The following MACROD2 variants were observed in gnomAD, a reference collection of about 807,000 sequenced individuals.
MACROD2 encodes the protein mono-ADP ribosylhydrolase 2.
A neutral mutation model predicts 70.4 loss-of-function variants in MACROD2; 36 were observed. The ratio of observed to expected loss-of-function variants is 0.51; its 90% CI spans 0.39 to 0.68. The LOEUF is 0.68. Ranked by LOEUF, MACROD2 falls within the 30% of genes least tolerant of loss-of-function variation. The pLI is 0.00. For missense variants in MACROD2, 496 were observed against 538.4 expected (o/e 0.92, Z 0.78); for synonymous variants, 172 against 178.8 (o/e 0.96, Z 0.30).
chr20:15,853,511 G>A (rs2064323110), intron 8 of MACROD2, among the ~76,000 whole-genome samples: 1 of 152,166 alleles, frequency 6.6e-6, no homozygotes, highest in Non-Finnish European at 1.5e-5. Context: ...AGATGTGGAG[G>A]AAGTCAGAGA....
At chr20:15,848,407 A>G (rs1219401153) in intron 8 of MACROD2, among the ~76,000 whole-genome samples, 1 of 152,112 alleles carries the variant, frequency 6.6e-6, no homozygotes, top group Non-Finnish European at 1.5e-5. Flanking sequence ...ACGATTAGGA[A>G]GAAAAGCATT....
intron 8 of MACROD2, among the ~76,000 whole-genome samples, chr20:15,752,250 C>G (rs546319609): frequency 6.6e-6 from 1 of 152,148 alleles, no homozygotes; most frequent in Non-Finnish European, 1.5e-5. Flanking sequence ...GGAAAATATA[C>G]CAGTTTCCTT....
chr20:14,546,876 C>T (rs1009493723), intron 4 of MACROD2, among the ~76,000 whole-genome samples: 1 of 151,878 alleles, frequency 6.6e-6, no homozygotes, highest in Admixed American at 6.6e-5. Context: ...TGGTTAGTCC[C>T]TGCACAGTGT....
At chr20:15,657,746 A>G (rs987247994) in intron 8 of MACROD2, among the ~76,000 whole-genome samples, 1 of 152,182 alleles carries the variant, frequency 6.6e-6, no homozygotes. Flanking sequence ...TAATCCCAGC[A>G]CTTTGGGAGG....
At chr20:15,874,709 A>C (rs2080054964) in intron 9 of MACROD2, among the ~76,000 whole-genome samples, 1 of 152,174 alleles carries the variant, frequency 6.6e-6, no homozygotes, top group Admixed American at 6.6e-5. Context: ...CTTTGTATAC[A>C]AAGCAATCTG....
At chr20:15,890,962 A>C (rs1457609445) in intron 10 of MACROD2, among the ~76,000 whole-genome samples, 1 of 152,146 alleles carries the variant, frequency 6.6e-6, no homozygotes, top group Non-Finnish European at 1.5e-5. Flanking sequence ...CCAGGGATAC[A>C]AGAGGGATTA....
At chr20:14,791,678 G>A (rs2123802771) in intron 5 of MACROD2, among the ~76,000 whole-genome samples, 1 of 151,984 alleles carries the variant, frequency 6.6e-6, no homozygotes, top group South Asian at 2.1e-4. Context: ...AGTTCCACGG[G>A]ACCCTCATTA....
intron 3 of MACROD2, among the ~76,000 whole-genome samples, chr20:14,311,335 T>G (rs2082565181): frequency 6.6e-6 from 1 of 152,192 alleles, no homozygotes; most frequent in African/African-American, 2.4e-5. Flanking sequence ...TTCAGTATAG[T>G]AACATGCGGT....
chr20:14,644,911 G>A (rs747353317), intron 4 of MACROD2, among the ~76,000 whole-genome samples: 10 of 152,096 alleles, frequency 6.6e-5, no homozygotes, highest in Non-Finnish European at 8.8e-5. Flanking sequence ...TGGCATGGAA[G>A]GGAGTGTAGG....
intron 5 of MACROD2, among the ~76,000 whole-genome samples, chr20:14,977,794 C>T (rs1445266121): frequency 6.6e-6 from 1 of 152,018 alleles, no homozygotes; most frequent in East Asian, 1.9e-4. Flanking sequence ...ACTGGGAAGC[C>T]TAATGTGGGG....
intron 15 of MACROD2, among the ~76,000 whole-genome samples, chr20:15,987,774 T>C (rs1479199780): frequency 3.3e-5 from 5 of 152,302 alleles, no homozygotes; most frequent in Non-Finnish European, 7.4e-5. Flanking sequence ...GAAATATTTT[T>C]AAAAATGTGT....
chr20:15,931,351 T>C (rs1381748335), intron 10 of MACROD2, among the ~76,000 whole-genome samples: 1 of 152,154 alleles, frequency 6.6e-6, no homozygotes, highest in Non-Finnish European at 1.5e-5. Flanking sequence ...GGTTCTCATA[T>C]TATATTCAGG....
chr20:15,811,093 T>G (rs2063816250), intron 8 of MACROD2, among the ~76,000 whole-genome samples: 1 of 151,974 alleles, frequency 6.6e-6, no homozygotes, highest in African/African-American at 2.4e-5. Context: ...AAATGGGATC[T>G]AATTAAACTA....
intron 3 of MACROD2, among the ~76,000 whole-genome samples, chr20:14,100,973 G>T (rs1194424221): frequency 1.3e-5 from 2 of 149,726 alleles, no homozygotes; most frequent in Non-Finnish European, 3.0e-5. Context: ...TCGGACTGTG[G>T]CTGGTTGTTA....
intron 2 of MACROD2, among the ~76,000 whole-genome samples, chr20:14,074,682 T>G (rs151195965): frequency 0.013 from 1,977 of 152,210 alleles, 43 homozygotes; most frequent in African/African-American, 0.045. Flanking sequence ...CCTGTTCTGT[T>G]TGAACATGCT....
rs1305355757 is a variant in MACROD2 at position 15,145,816 on chromosome 20, C to T, written c.419-84124C>T. 5.9e-5 allele frequency among the ~76,000 whole-genome samples: 9 copies of T among 151,912 alleles called. No homozygotes were observed. The East Asian group carries it at 1.7e-3, about 29-fold the overall frequency. On this transcript the variant is annotated intron_variant, in intron 5 of 17. Coordinates refer to ENST00000684519, the MANE Select transcript of MACROD2 (RefSeq NM_001351661.2). ...AATTTTACCTAAAAGATGATGTTTG[C>T]ATTTCTGCCTAATGTTCATTAAGTG...
intron 8 of MACROD2, among the ~76,000 whole-genome samples, chr20:15,586,802 CAAAG>C (rs1035314434): frequency 6.6e-6 from 1 of 151,838 alleles, no homozygotes. Flanking sequence ...AAGCAATAAA[CAAAG>C]AGAATATATA....
chr20:14,270,735 A>G (rs1010313453), intron 3 of MACROD2, among the ~76,000 whole-genome samples: 4 of 152,318 alleles, frequency 2.6e-5, no homozygotes, highest in Admixed American at 6.5e-5. Flanking sequence ...AGATGGCCGA[A>G]TAGGAACAGC....
chr20:14,684,420 G>C (rs2123595144), intron 4 of MACROD2, among the ~76,000 whole-genome samples: 1 of 152,204 alleles, frequency 6.6e-6, no homozygotes, highest in South Asian at 2.1e-4. Context: ...TGGTGTGTTA[G>C]AGGCAACATG....
Sources: gnomAD v4.1 joint callset for allele counts (sites outside exome capture counted in the v4.1 genomes callset) on GRCh38, gnomAD v4.1.1 for gene constraint, MANE v1.5 for transcripts, NCBI Gene and HGNC (gene_info 2026-07-23, HGNC 2026-07-21) for gene names.